Variants in ANOS1 observed in about 807,000 individuals in gnomAD.
The protein encoded by ANOS1 is anosmin-1.
In ANOS1, 6 loss-of-function variants were observed where a neutral mutation model predicts 59.0. The ratio of observed to expected loss-of-function variants is 0.10; its 90% CI spans 0.06 to 0.20. The LOEUF (loss-of-function observed/expected upper bound fraction) is 0.20, where lower values mean the gene tolerates loss of function less well. Among genes scored for constraint, ANOS1 ranks in the 10% least tolerant of loss-of-function variants. ANOS1 has a pLI of 1.00. For synonymous variants in ANOS1, 217 were observed against 223.4 expected (o/e 0.97, Z 0.25); for missense variants, 433 against 542.3 (o/e 0.80, Z 2.00).
intron 2 of ANOS1, among the ~76,000 whole-genome samples, chrX:8,640,952 C>G (rs1931653937): frequency 2.7e-5 from 3 of 111,868 alleles, no homozygotes; most frequent in Non-Finnish European, 5.6e-5. Flanking sequence ...ACCCACATAT[C>G]AATGTTTTCT....
chrX:8,685,604 GAAAGAAAGAAAGAAAGA>G lies in ANOS1; in HGVS notation c.255+14077_255+14093del, dbSNP rs1569082585. On this transcript the variant is annotated intron_variant, in intron 2 of 13. Transcript: ENST00000262648. ...AAAGAAAGAGAAAGAAAGGAAGAAA[GAAAGAAAGAAAGAAAGA>G]AAGAAAGAAAGAAAGAAAGAAAGAA... 1.1e-3 allele frequency among the ~76,000 whole-genome samples: 73 copies of G among 65,698 alleles called. 1 individual carries two copies. Among genetic ancestry groups the G allele is most frequent in the Middle Eastern group, 8.5e-3 (1 of 117 alleles). The allele number at this position is 65,698 out of a possible 115,157, so 57.1% of individuals were successfully genotyped here.
chrX:8,585,972 G>GA (rs764116973), intron 5 of ANOS1, among the ~76,000 whole-genome samples: 3 of 111,627 alleles, frequency 2.7e-5, no homozygotes, highest in South Asian at 7.5e-4. Context: ...TGCCCAAAAG[G>GA]AAAAAAATAG....
In ANOS1 at chrX:8,541,415, C is replaced by A. The variant is rs562269930; in HGVS notation, c.1355-1657G>T. Among the ~76,000 whole-genome samples the A allele has an allele frequency of 1.9e-4, 19 of 101,393 alleles. No individual in the cohort carries two copies. In the South Asian group the frequency reaches 7.7e-3, roughly 41 times the overall value. 88.0% of individuals were successfully genotyped at this position (101,393 alleles called of 115,157 possible). A position where few individuals can be genotyped will look rare whatever the true frequency, so the allele number is the denominator to read the frequency against. On this transcript the variant is annotated intron_variant, in intron 9 of 13. Transcript: ENST00000262648. The stretch of plus-strand genomic sequence containing the variant: ...CAAAACTCCGTCTCCCACCACCCCC[C>A]CCCCAAAAACAAAAAAACAAAAAAA...
chrX:8,659,165 T>C (rs1170084083), intron 2 of ANOS1, among the ~76,000 whole-genome samples: 1 of 109,891 alleles, frequency 9.1e-6, no homozygotes, highest in African/African-American at 3.3e-5. Flanking sequence ...AGGCGGAGGT[T>C]GCAGTGAGCC....
intron 2 of ANOS1, among the ~76,000 whole-genome samples, chrX:8,666,326 A>T (rs1009695591): frequency 8.9e-6 from 1 of 112,273 alleles, no homozygotes; most frequent in East Asian, 2.8e-4. Context: ...CTAAAGAATA[A>T]CACGGTTATA....
At chrX:8,574,384 T>C (rs1477301571) in intron 6 of ANOS1, among the ~76,000 whole-genome samples, 1 of 110,172 alleles carries the variant, frequency 9.1e-6, no homozygotes, top group African/African-American at 3.3e-5. Context: ...TTATGGTAAA[T>C]ATTGAGTGTC....
Position 8,539,653 on chromosome X carries a change from C to T in ANOS1, c.1449+11G>A, listed in dbSNP as rs772714485. The stretch of plus-strand genomic sequence containing the variant: ...TCACAGATCAAGTTGGCCTAGAGAT[C>T]ATGTCCTTACGTGGGTCATGCCAGA... On this transcript the variant is annotated intron_variant, in intron 10 of 13. Coordinates refer to ENST00000262648, the MANE Select transcript of ANOS1 (RefSeq NM_000216.4). The T allele has an allele frequency of 1.7e-6, 2 of 1,209,799 alleles. No individual in the cohort carries two copies. Among genetic ancestry groups the T allele is most frequent in the South Asian group, 3.5e-5 (2 of 56,771 alleles).
intron 3 of ANOS1, among the ~76,000 whole-genome samples, chrX:8,620,991 G>A (rs778333985): frequency 2.7e-5 from 3 of 111,825 alleles, no homozygotes; most frequent in Admixed American, 9.5e-5. Flanking sequence ...CCTTCTCAGC[G>A]ATCAGATGTA....
At chrX:8,571,505 G>GA (rs1227485220) in intron 6 of ANOS1, among the ~76,000 whole-genome samples, 1 of 111,057 alleles carries the variant, frequency 9.0e-6, no homozygotes, top group Admixed American at 9.6e-5. Flanking sequence ...AATCAGAAAA[G>GA]AAAAAAAATA....
intron 1 of ANOS1, among the ~76,000 whole-genome samples, chrX:8,704,101 G>T (rs1417092899): frequency 9.0e-6 from 1 of 111,351 alleles, no homozygotes; most frequent in Non-Finnish European, 1.9e-5. Context: ...CCCCGCACAT[G>T]CTCTCTTGCC....
In ANOS1 at chrX:8,649,801, C is replaced by T. The variant is rs142824649; in HGVS notation, c.256-26131G>A. Among the ~76,000 whole-genome samples, 969 of 112,158 alleles carry T rather than the reference C, an allele frequency of 8.6e-3. 5 individuals are homozygous for T. The highest frequency in any genetic ancestry group is 0.019 in the Middle Eastern group (4 of 216). On this transcript the variant is annotated intron_variant, in intron 2 of 13. Coordinates refer to ENST00000262648, the MANE Select transcript of ANOS1 (RefSeq NM_000216.4). ...AGCTACATCTTCTGGGTGCAACAGC[C>T]TGCTGAGCCCCAATCTGGGGGTTGC...
At chrX:8,678,047 A>G (rs757834477) in intron 2 of ANOS1, among the ~76,000 whole-genome samples, 2 of 112,142 alleles carry the variant, frequency 1.8e-5, no homozygotes, top group South Asian at 7.5e-4. Context: ...TGGATTGTTC[A>G]CAAGCAGCAG....
intron 1 of ANOS1, among the ~76,000 whole-genome samples, chrX:8,713,031 G>A (rs1301436133): frequency 9.0e-6 from 1 of 111,008 alleles, no homozygotes; most frequent in Admixed American, 9.7e-5. Flanking sequence ...CAGAGGAATT[G>A]ACAATGGCCT....
At chrX:8,568,599 C>T (rs760311552) in intron 7 of ANOS1, among the ~76,000 whole-genome samples, 1 of 110,201 alleles carries the variant, frequency 9.1e-6, no homozygotes, top group African/African-American at 3.3e-5. Flanking sequence ...TTTGGGAGCC[C>T]GAGGTGGGAG....
intron 2 of ANOS1, among the ~76,000 whole-genome samples, chrX:8,674,777 G>C (rs1347035588): frequency 8.9e-6 from 1 of 112,312 alleles, no homozygotes; most frequent in Non-Finnish European, 1.9e-5. Context: ...GACTTCATAA[G>C]AAAATGCACA....
intron 2 of ANOS1, among the ~76,000 whole-genome samples, chrX:8,666,811 G>A (rs748452502): frequency 9.0e-6 from 1 of 111,345 alleles, no homozygotes; most frequent in Non-Finnish European, 1.9e-5. Flanking sequence ...TTTCCTCCTC[G>A]TCTCCAGGCT....
intron 1 of ANOS1, among the ~76,000 whole-genome samples, chrX:8,731,186 C>T (rs1932973204): frequency 8.9e-6 from 1 of 112,288 alleles, no homozygotes; most frequent in Non-Finnish European, 1.9e-5. Context: ...CAGGGCAAGA[C>T]CTTGAATCTT....
chrX:8,602,533 C>T (rs185781086), intron 3 of ANOS1, among the ~76,000 whole-genome samples: 1 of 111,255 alleles, frequency 9.0e-6, no homozygotes, highest in Admixed American at 9.6e-5. Context: ...AATCAGTATG[C>T]ATGTAATACC....
chrX:8,685,658 A>AAG (rs1278773136), intron 2 of ANOS1, among the ~76,000 whole-genome samples: 2 of 96,962 alleles, frequency 2.1e-5, no homozygotes, highest in African/African-American at 3.8e-5. Context: ...GAAAGAAAGA[A>AAG]AAAGAAAGGA....
Sources: gnomAD v4.1 joint callset for allele counts (sites outside exome capture counted in the v4.1 genomes callset) on GRCh38, gnomAD v4.1.1 for gene constraint, MANE v1.5 for transcripts, NCBI Gene and HGNC (gene_info 2026-07-23, HGNC 2026-07-21) for gene names.